Variants in PCDHA12 observed in about 807,000 individuals in gnomAD.
The protein encoded by PCDHA12 is protocadherin alpha 12, also known as protocadherin alpha-12.
A neutral mutation model predicts 60.0 loss-of-function variants in PCDHA12; 44 were observed. That is an observed-to-expected ratio of 0.73 (90% CI 0.58 to 0.94). The LOEUF (loss-of-function observed/expected upper bound fraction) is 0.94. Among genes scored for constraint, PCDHA12 ranks in the 40% least tolerant of loss-of-function variants. The pLI, the probability that PCDHA12 is intolerant of heterozygous loss-of-function variation, is 0.00. For synonymous variants in PCDHA12, 569 were observed against 553.0 expected (o/e 1.03, Z -0.40); for missense variants, 1,276 against 1,239.7 (o/e 1.03, Z -0.44).
rs1238256859 is a variant in PCDHA12, at chr5:141,010,204, C to T, written c.*267C>T. 6.4e-7 allele frequency: 1 copy of T among 1,551,970 alleles called. No homozygotes were observed. On this transcript the variant is annotated 3_prime_UTR_variant, in exon 4 of 4. Transcript: ENST00000398631. The stretch of plus-strand genomic sequence containing the variant: ...GACCCAAGTTTCCTTTCTCCTCCGC[C>T]GCAAAGGAGAGGCTTCCCAGCCCCG...
intron 1 of PCDHA12, among the ~76,000 whole-genome samples, chr5:140,939,903 C>T (rs782506444): frequency 6.6e-6 from 1 of 152,046 alleles, no homozygotes; most frequent in African/African-American, 2.4e-5. Flanking sequence ...ATTCTGCATT[C>T]TTTTTTATTC....
rs1169646324 is a variant in PCDHA12 at position 141,011,134 on chromosome 5, ATACACAACCT to A, written c.*1199_*1208del. The A allele has an allele frequency of 6.5e-6, 1 of 153,688 alleles. No homozygotes were observed. Among genetic ancestry groups the A allele is most frequent in the East Asian group, 1.9e-4 (1 of 5,194 alleles). The allele number at this position is 153,688 out of a possible 1,614,324, so 9.5% of individuals were successfully genotyped here. ...CTAAGAAACAATTATGTGCACTTTG[ATACACAACCT>A]TCTCTAACCAACTATATATCAAGAC... On this transcript the variant is annotated 3_prime_UTR_variant, in exon 4 of 4. Transcript: ENST00000398631.
At chr5:140,993,958 G>A (rs782075870) in intron 3 of PCDHA12, among the ~76,000 whole-genome samples, 1 of 152,162 alleles carries the variant, frequency 6.6e-6, no homozygotes, top group Non-Finnish European at 1.5e-5. Context: ...ATACATGACT[G>A]TAGTCATCAT....
At chr5:140,971,462 A>G (rs1554233357) in intron 1 of PCDHA12, among the ~76,000 whole-genome samples, 1 of 152,184 alleles carries the variant, frequency 6.6e-6, no homozygotes, top group African/African-American at 2.4e-5. Flanking sequence ...TTTTGCAGTT[A>G]TAGGGAGAGA....
chr5:140,947,277 T>C (rs1272482991), intron 1 of PCDHA12, among the ~76,000 whole-genome samples: 3 of 151,662 alleles, frequency 2.0e-5, no homozygotes, highest in African/African-American at 7.2e-5. Context: ...AAATACTTTT[T>C]CTTTTTATTG....
intron 1 of PCDHA12, among the ~76,000 whole-genome samples, chr5:140,950,043 A>G (rs1011500100): frequency 1.6e-4 from 25 of 151,950 alleles, no homozygotes; most frequent in Non-Finnish European, 3.4e-4. Context: ...TTACAACCAT[A>G]TAAGACTATT....
chr5:140,927,811 G>A, intron 1 of PCDHA12: 1 of 1,614,186 alleles, frequency 6.2e-7, no homozygotes, highest in Non-Finnish European at 8.5e-7. Context: ...AACGCTCTTG[G>A]AGGCATACAT....
intron 3 of PCDHA12, among the ~76,000 whole-genome samples, chr5:140,992,100 A>G (rs1285742519): frequency 6.6e-6 from 1 of 151,526 alleles, no homozygotes; most frequent in African/African-American, 2.4e-5. Context: ...AAAGAGAATT[A>G]AGGTGAGATG....
intron 1 of PCDHA12, among the ~76,000 whole-genome samples, chr5:140,948,168 T>G (rs1217978838): frequency 6.6e-6 from 1 of 151,636 alleles, no homozygotes; most frequent in Non-Finnish European, 1.5e-5. Flanking sequence ...AACCTTCCAT[T>G]CCTAGGGTAA....
rs1554181708 is a variant in PCDHA12, at chr5:140,884,544, G to C, written c.2367+6705G>C. 1.9e-6 allele frequency: 3 copies of C among 1,614,222 alleles called. No individual in the cohort carries two copies. In the Admixed American group the frequency reaches 5.0e-5, roughly 27 times the overall value. On this transcript the variant is annotated intron_variant, in intron 1 of 3. Coordinates refer to ENST00000398631, the MANE Select transcript of PCDHA12 (RefSeq NM_018903.4). Reference sequence around the variant, plus strand: ...TCGCAGCAGAGGCGGCCGAGGGTGTGCTCTGGGGAGGGCCCGCATAAGACG... The same window carrying C: ...TCGCAGCAGAGGCGGCCGAGGGTGTCCTCTGGGGAGGGCCCGCATAAGACG...
intron 1 of PCDHA12, among the ~76,000 whole-genome samples, chr5:140,913,380 T>C (rs1436602497): frequency 6.6e-6 from 1 of 152,226 alleles, no homozygotes; most frequent in Non-Finnish European, 1.5e-5. Context: ...ATATAGTGGC[T>C]CATCATAGCC....
At chr5:140,929,183 C>G (rs148631412) in intron 1 of PCDHA12, 1 of 1,614,144 alleles carries the variant, frequency 6.2e-7, no homozygotes, top group East Asian at 2.2e-5. Flanking sequence ...GGACTTGGTT[C>G]TGATAATAAC....
At chr5:140,942,338 G>A (rs1554214916) in intron 1 of PCDHA12, among the ~76,000 whole-genome samples, 1 of 152,042 alleles carries the variant, frequency 6.6e-6, no homozygotes, top group African/African-American at 2.4e-5. Flanking sequence ...TGAACCAGAG[G>A]GAGGCGGAGG....
chr5:140,943,005 C>T (rs1383622610), intron 1 of PCDHA12, among the ~76,000 whole-genome samples: 2 of 151,608 alleles, frequency 1.3e-5, no homozygotes, highest in African/African-American at 4.8e-5. Context: ...GCCTGTAATC[C>T]CAGCACTTTG....
chr5:140,985,063 G>C (rs2097134230), intron 3 of PCDHA12, among the ~76,000 whole-genome samples: 1 of 151,948 alleles, frequency 6.6e-6, no homozygotes, highest in African/African-American at 2.4e-5. Flanking sequence ...TCAGCCTCCT[G>C]AGTAGCTGAG....
chr5:140,941,462 C>T (rs1323217881), intron 1 of PCDHA12, among the ~76,000 whole-genome samples: 1 of 150,980 alleles, frequency 6.6e-6, no homozygotes, highest in Non-Finnish European at 1.5e-5. Context: ...ATTACAGGCG[C>T]CCACCACCAC....
intron 1 of PCDHA12, among the ~76,000 whole-genome samples, chr5:140,914,207 A>C (rs1485868934): frequency 6.6e-6 from 1 of 152,060 alleles, no homozygotes; most frequent in Admixed American, 6.6e-5. Context: ...TGTGATCTCT[A>C]TCTCTCTTTT....
rs782354452 is a variant in PCDHA12, at chr5:140,966,783, C to G, written c.2368-12166C>G. 28 of 1,520,948 alleles carry G rather than the reference C, an allele frequency of 1.8e-5. No homozygotes were observed. The highest frequency in any genetic ancestry group is 2.1e-4 in the Middle Eastern group (1 of 4,706). The allele number at this position is 1,520,948 out of a possible 1,614,324, so 94.2% of individuals were successfully genotyped here. On this transcript the variant is annotated intron_variant, in intron 1 of 3. Transcript: ENST00000398631. ...CCAGTGGCTATGGAGCAGGCGGGCA[C>G]CAGACCTGCGGCGACAGAGCATCCA...
At chr5:140,969,112 A>G (rs781784282) in intron 1 of PCDHA12, 4 of 1,614,022 alleles carry the variant, frequency 2.5e-6, no homozygotes, top group Admixed American at 3.3e-5. Context: ...TTGAAGTTCG[A>G]GGGAATGGCT....
Sources: gnomAD v4.1 joint callset for allele counts (sites outside exome capture counted in the v4.1 genomes callset) on GRCh38, gnomAD v4.1.1 for gene constraint, MANE v1.5 for transcripts, NCBI Gene and HGNC (gene_info 2026-07-23, HGNC 2026-07-21) for gene names.